Variants in PAX5 observed in about 807,000 individuals in gnomAD.
The protein encoded by PAX5 is paired box protein Pax-5.
Under a neutral mutation model 43.7 loss-of-function variants are expected in PAX5, and 9 were observed. The ratio of observed to expected loss-of-function variants is 0.21; its 90% CI spans 0.12 to 0.36. The LOEUF is 0.36. Ranked by LOEUF, PAX5 falls within the 10% of genes least tolerant of loss-of-function variation. The pLI, the probability that PAX5 is intolerant of heterozygous loss-of-function variation, is 1.00. For missense variants in PAX5, 383 were observed against 532.7 expected, an observed-to-expected ratio of 0.72 and a Z score of 2.77; for synonymous variants, 228 against 214.3, an observed-to-expected ratio of 1.06 and a Z score of -0.56.
At chr9:36,924,613 G>A (rs577935785) in intron 6 of PAX5, among the ~76,000 whole-genome samples, 5 of 151,432 alleles carry the variant, frequency 3.3e-5, no homozygotes, top group South Asian at 4.2e-4. Context: ...CCAGCTACTC[G>A]GGAAGCTGAG....
intron 8 of PAX5, among the ~76,000 whole-genome samples, chr9:36,870,384 G>A (rs1050572591): frequency 1.1e-4 from 17 of 152,074 alleles, no homozygotes; most frequent in African/African-American, 4.1e-4. Flanking sequence ...TTTTACTTTT[G>A]AAATTATTTG....
chr9:37,006,313 A>G (rs1195819269), intron 4 of PAX5, among the ~76,000 whole-genome samples, 160 bp downstream of exon 4: 2 of 152,184 alleles, frequency 1.3e-5, no homozygotes, highest in African/African-American at 4.8e-5. Flanking sequence ...TATAAAATTC[A>G]TTTACCAGGT....
chr9:36,875,711 G>C (rs1825852977), intron 8 of PAX5, among the ~76,000 whole-genome samples: 1 of 152,192 alleles, frequency 6.6e-6, no homozygotes, highest in African/African-American at 2.4e-5. Context: ...AGCTCTCTAA[G>C]TGAATGGGGG....
Position 36,835,782 on chromosome 9 carries a change from C to A in PAX5, c.*4778G>T. The A allele has an allele frequency of 4.3e-6, 1 of 233,320 alleles. No individual in the cohort carries two copies. The highest frequency in any genetic ancestry group is 5.6e-5 in the Admixed American group (1 of 17,802). The allele number at this position is 233,320 out of a possible 1,614,324, so 14.5% of individuals were successfully genotyped here. A position where few individuals can be genotyped will look rare whatever the true frequency, so the allele number is the denominator to read the frequency against. ...TCGATGGGTGACAAGGCCAAGACTG[C>A]AGAACTGGCCTCGTAGTGGGGCCAC... is the stretch of plus-strand genomic sequence containing the variant. On this transcript the variant is annotated 3_prime_UTR_variant, in exon 10 of 10. Transcript: ENST00000358127.
chr9:36,880,481 G>A (rs920712690), intron 8 of PAX5, among the ~76,000 whole-genome samples: 2 of 152,274 alleles, frequency 1.3e-5, no homozygotes, highest in Non-Finnish European at 2.9e-5. Context: ...CAGTGCATGG[G>A]AGAGTGGGCA....
intron 6 of PAX5, among the ~76,000 whole-genome samples, chr9:36,924,781 AAAAGAGAAAGGGAGGGAGGGAGGG>A (rs1830492461): frequency 2.8e-4 from 4 of 14,240 alleles, no homozygotes; most frequent in Non-Finnish European, 2.9e-4. Context: ...GGAAGGAAGG[AAAAGAGAAAGGGAGGGAGGGAGGG>A]AGGAAGGAAG....
At chr9:36,861,716 G>C (rs1022391152) in intron 8 of PAX5, among the ~76,000 whole-genome samples, 4 of 151,882 alleles carry the variant, frequency 2.6e-5, no homozygotes, top group African/African-American at 9.7e-5. Flanking sequence ...TATGTGGCTG[G>C]AGAGAAGCCA....
intron 8 of PAX5, 39 bp from the exon 9 acceptor site, chr9:36,846,968 G>T: frequency 6.9e-7 from 1 of 1,451,162 alleles, no homozygotes; most frequent in Non-Finnish European, 9.7e-7. Flanking sequence ...GGAACCAAAC[G>T]TCAAATCCAG....
In PAX5 at chr9:37,034,070, G is replaced by A. The variant is rs748147466; in HGVS notation, c.-39C>T. ...GACTTGATGGAATGGACAGGGAAAA[G>A]TTTCCACTTTTTTGTGCCTTTTTTT... On this transcript the variant is annotated 5_prime_UTR_variant, in exon 1 of 10. Transcript: ENST00000358127. 2.0e-6 allele frequency: 1 copy of A among 488,336 alleles called. No individual in the cohort carries two copies. The highest frequency in any genetic ancestry group is 3.6e-6 in the Non-Finnish European group (1 of 277,236). 30.3% of individuals were successfully genotyped at this position (488,336 alleles called of 1,614,324 possible).
At chr9:37,022,552 C>T (rs1024905686) in intron 1 of PAX5, among the ~76,000 whole-genome samples, 1 of 152,218 alleles carries the variant, frequency 6.6e-6, no homozygotes, top group African/African-American at 2.4e-5. Context: ...TTTGATATGA[C>T]CTGGGAGTCC....
At chr9:37,010,017 C>T (rs1386636605) in intron 3 of PAX5, among the ~76,000 whole-genome samples, 1 of 152,174 alleles carries the variant, frequency 6.6e-6, no homozygotes, top group African/African-American at 2.4e-5. Flanking sequence ...CTGCCTTTAG[C>T]AGTCACCAAG....
intron 7 of PAX5, among the ~76,000 whole-genome samples, chr9:36,892,326 A>G (rs1220430534): frequency 6.6e-6 from 1 of 152,242 alleles, no homozygotes; most frequent in African/African-American, 2.4e-5. Flanking sequence ...CACTGTCCTG[A>G]GTGCTCTAAA....
intron 6 of PAX5, among the ~76,000 whole-genome samples, chr9:36,931,850 CA>C (rs35505557): frequency 0.48 from 58,296 of 121,008 alleles, 12,377 homozygotes; most frequent in East Asian, 0.74. Context: ...GACTCTGTCT[CA>C]AAAAAAAAAA....
intron 7 of PAX5, among the ~76,000 whole-genome samples, chr9:36,895,030 G>A (rs1250640010): frequency 2.0e-5 from 3 of 152,246 alleles, no homozygotes; most frequent in African/African-American, 7.2e-5. Context: ...CGAGGGCCGA[G>A]TGAGTGAGAC....
intron 6 of PAX5, among the ~76,000 whole-genome samples, chr9:36,929,921 T>G (rs1362824899): frequency 2.0e-5 from 3 of 152,192 alleles, no homozygotes; most frequent in Non-Finnish European, 4.4e-5. Flanking sequence ...AGATGGGGTT[T>G]CACCATGTTA....
chr9:37,005,570 G>T (rs960370145), intron 4 of PAX5, among the ~76,000 whole-genome samples: 4 of 152,226 alleles, frequency 2.6e-5, no homozygotes, highest in African/African-American at 4.8e-5. Flanking sequence ...GACAAAGTTG[G>T]AACTGGAGGC....
intron 6 of PAX5, among the ~76,000 whole-genome samples, chr9:36,937,472 C>T (rs911550376): frequency 6.6e-6 from 1 of 152,188 alleles, no homozygotes; most frequent in African/African-American, 2.4e-5. Flanking sequence ...GGGGGTTAAA[C>T]CCAGCTTCTG....
In PAX5 at chr9:37,034,217, G is replaced by A. The variant is rs537048154; in HGVS notation, c.-186C>T. ...GCTGATCACTGAGCTGAAACTAAAC[G>A]TTTTAGGTGGAAAAAAAGCGTCCGA... On this transcript the variant is annotated 5_prime_UTR_variant, in exon 1 of 10. In the 5' UTR this introduces an upstream ATG that the reference lacks. Coordinates refer to ENST00000358127, the MANE Select transcript of PAX5 (RefSeq NM_016734.3). The A allele has an allele frequency of 1.8e-5, 10 of 568,650 alleles. No individual in the cohort carries two copies. Among genetic ancestry groups the A allele is most frequent in the South Asian group, 4.5e-5 (2 of 44,234 alleles). The allele number at this position is 568,650 out of a possible 1,614,324, so 35.2% of individuals were successfully genotyped here.
At chr9:36,884,102 A>T (rs1038625967) in intron 7 of PAX5, among the ~76,000 whole-genome samples, 3 of 152,236 alleles carry the variant, frequency 2.0e-5, no homozygotes, top group African/African-American at 7.2e-5. Context: ...CTCAGTTATT[A>T]AACTGTTCCC....
Sources: allele counts gnomAD v4.1 joint callset (sites outside exome capture counted in the v4.1 genomes callset), GRCh38; gene constraint gnomAD v4.1.1; transcripts MANE v1.5; gene names NCBI Gene and HGNC (gene_info 2026-07-23, HGNC 2026-07-21).